The following GLG1 variants were observed in gnomAD, a reference collection of about 807,000 sequenced individuals.
The protein encoded by GLG1 is golgi glycoprotein 1, also known as Golgi apparatus protein 1.
GLG1 carries 38 observed loss-of-function variants against 160.5 expected under a neutral mutation model. The observed-to-expected ratio is 0.24, with a 90% CI of 0.18 to 0.31. The LOEUF (loss-of-function observed/expected upper bound fraction) is 0.31. Ranked by LOEUF, GLG1 falls within the 10% of genes least tolerant of loss-of-function variation. The pLI, the probability that GLG1 is intolerant of heterozygous loss-of-function variation, is 1.00. For synonymous variants in GLG1, 644 were observed against 543.4 expected (o/e 1.19, Z -2.57); for missense variants, 1,373 against 1,505.2 (o/e 0.91, Z 1.45).
At chr16:74,515,968 A>G (rs1040295190) in intron 2 of GLG1, among the ~76,000 whole-genome samples, 1 of 151,326 alleles carries the variant, frequency 6.6e-6, no homozygotes, top group Non-Finnish European at 1.5e-5. Context: ...AAGCCATTAC[A>G]TAACGGTAAA....
chr16:74,518,844 A>G (rs575581467), intron 2 of GLG1, among the ~76,000 whole-genome samples: 2 of 152,244 alleles, frequency 1.3e-5, no homozygotes, highest in Admixed American at 6.5e-5. Flanking sequence ...AACAGATGCT[A>G]AAGAGGTTGT....
chr16:74,461,198 C>T (rs1297229115), intron 22 of GLG1, among the ~76,000 whole-genome samples: 7 of 149,654 alleles, frequency 4.7e-5, no homozygotes, highest in Non-Finnish European at 8.9e-5. Context: ...GATGGAACCT[C>T]GCTCTGTCGC....
At chr16:74,558,284 T>C (rs1242157254) in intron 1 of GLG1, among the ~76,000 whole-genome samples, 1 of 152,134 alleles carries the variant, frequency 6.6e-6, no homozygotes, top group African/African-American at 2.4e-5. Context: ...TATTAGAGTA[T>C]TTTATTGGAT....
intron 1 of GLG1, among the ~76,000 whole-genome samples, chr16:74,566,850 A>C (rs1337713964): frequency 6.6e-6 from 1 of 152,224 alleles, no homozygotes. Context: ...CCACACCAGG[A>C]AAATAATACC....
chr16:74,487,960 AATGCTTCAGAGAG>A (rs1555509209), intron 8 of GLG1, among the ~76,000 whole-genome samples: 1 of 152,110 alleles, frequency 6.6e-6, no homozygotes, highest in Non-Finnish European at 1.5e-5. Flanking sequence ...AACCTGGGAA[AATGCTTCAGAGAG>A]ATGACTAGAG....
At chr16:74,498,039 C>T (rs1285530587) in intron 4 of GLG1, among the ~76,000 whole-genome samples, 1 of 152,126 alleles carries the variant, frequency 6.6e-6, no homozygotes, top group East Asian at 1.9e-4. Context: ...GATAGTTCCC[C>T]TAAATATTTT....
At position 74,496,560 on chromosome 16, in the gene GLG1, C is replaced by T. The variant is rs771559359; in HGVS notation, c.859G>A (p.Val287Ile). Residue 287 changes from valine to isoleucine, a missense_variant, in exon 5 of 26, where the codon GTT (valine) becomes ATT (isoleucine). Transcript: ENST00000422840. ...ATGGCTTTCTTGCAGAGTTCAGAAA[C>T]TTGAATCTTGGGTTCTCTTTCTTCT... Reference protein sequence around the residue: ...EAEEREPKIQVSELCKKAILR... With the variant: ...EAEEREPKIQISELCKKAILR... 1 of 1,613,562 alleles carries T rather than the reference C, an allele frequency of 6.2e-7. No individual in the cohort carries two copies. The highest frequency in any genetic ancestry group is 1.1e-5 in the South Asian group (1 of 91,062).
chr16:74,565,594 T>G (rs1039554448), intron 1 of GLG1, among the ~76,000 whole-genome samples: 6 of 152,250 alleles, frequency 3.9e-5, no homozygotes, highest in Non-Finnish European at 7.3e-5. Flanking sequence ...AAGGCCCAGC[T>G]GTAACCAATC....
intron 18 of GLG1, among the ~76,000 whole-genome samples, chr16:74,466,915 C>T (rs550332489): frequency 9.2e-5 from 14 of 152,148 alleles, no homozygotes; most frequent in East Asian, 1.9e-4. Flanking sequence ...TTGCCTAACA[C>T]GAGTTCCAGA....
At chr16:74,476,192 A>G (rs979267790) in intron 12 of GLG1, among the ~76,000 whole-genome samples, 1 of 152,188 alleles carries the variant, frequency 6.6e-6, no homozygotes. Flanking sequence ...AATAAAAAAA[A>G]AAAAGAATTC....
At chr16:74,485,991 T>G (rs1010857094) in intron 8 of GLG1, 74 bp from the exon 9 acceptor site, 4 of 1,136,452 alleles carry the variant, frequency 3.5e-6, no homozygotes, top group Admixed American at 1.9e-5. Flanking sequence ...CTTCATACAT[T>G]CAGTTGCTCA....
At chr16:74,537,171 G>A (rs537938235) in intron 1 of GLG1, among the ~76,000 whole-genome samples, 4 of 152,266 alleles carry the variant, frequency 2.6e-5, no homozygotes, top group African/African-American at 9.6e-5. Flanking sequence ...ACAGAAGAAT[G>A]AGAAAATGAA....
At chr16:74,593,465 A>C in intron 1 of GLG1, among the ~76,000 whole-genome samples, 2 of 127,762 alleles carry the variant, frequency 1.6e-5, no homozygotes, top group African/African-American at 3.0e-5. Flanking sequence ...ACAGAATTTC[A>C]CTCTTGTCAC....
chr16:74,502,732 T>G (rs926249338), intron 4 of GLG1, among the ~76,000 whole-genome samples: 6 of 142,044 alleles, frequency 4.2e-5, no homozygotes, highest in East Asian at 4.0e-4. Context: ...GTTTTTTTTT[T>G]TTTTTTTTTT....
At chr16:74,459,645 A>AT in intron 23 of GLG1, 37 bp downstream of exon 23, 3 of 1,051,886 alleles carry the variant, frequency 2.9e-6, no homozygotes, top group Non-Finnish European at 4.3e-6. Flanking sequence ...AAAAAAAAAA[A>AT]GAAATGAAGT....
At chr16:74,500,855 T>C (rs981705001) in intron 4 of GLG1, among the ~76,000 whole-genome samples, 1 of 152,226 alleles carries the variant, frequency 6.6e-6, no homozygotes, top group Non-Finnish European at 1.5e-5. Context: ...TATTATTATA[T>C]AAAATTCTAA....
intron 1 of GLG1, among the ~76,000 whole-genome samples, chr16:74,565,556 AC>A (rs1276378634): frequency 6.6e-6 from 1 of 152,198 alleles, no homozygotes; most frequent in African/African-American, 2.4e-5. Context: ...TAGACCGCCA[AC>A]TGCTTAAACT....
intron 25 of GLG1, among the ~76,000 whole-genome samples, chr16:74,455,362 A>G (rs945386472): frequency 2.0e-5 from 3 of 152,186 alleles, no homozygotes; most frequent in East Asian, 1.9e-4. Context: ...TTGAGCTCCA[A>G]TAGTTGCCAA....
rs546942561 is a variant in GLG1 at position 74,451,770 on chromosome 16, G to A, written c.*1397C>T. The stretch of plus-strand genomic sequence containing the variant: ...AGTGCCACGCTGAACCATGATGCCC[G>A]GACCCCTCCCTCTCACACCCAGACT... On this transcript the variant is annotated 3_prime_UTR_variant, in exon 26 of 26. Transcript: ENST00000422840. 270 of 398,526 alleles carry A rather than the reference G, an allele frequency of 6.8e-4. 2 individuals are homozygous for A. Among genetic ancestry groups the A allele is most frequent in the Non-Finnish European group, 1.2e-3 (246 of 212,872 alleles). 24.7% of individuals were successfully genotyped at this position (398,526 alleles called of 1,614,324 possible). A position where few individuals can be genotyped will look rare whatever the true frequency, so the allele number is the denominator to read the frequency against.
Sources: allele counts gnomAD v4.1 joint callset (sites outside exome capture counted in the v4.1 genomes callset), GRCh38; gene constraint gnomAD v4.1.1; transcripts MANE v1.5; gene names NCBI Gene and HGNC (gene_info 2026-07-23, HGNC 2026-07-21).